CTNND2: variants seen among roughly 807,000 people sequenced by gnomAD.
CTNND2 encodes the protein catenin delta-2.
A neutral mutation model predicts 144.4 loss-of-function variants in CTNND2; 22 were observed. That is an observed-to-expected ratio of 0.15 (90% confidence interval 0.11 to 0.22). The LOEUF (loss-of-function observed/expected upper bound fraction) is 0.22, where lower values mean the gene tolerates loss of function less well. Among genes scored for constraint, CTNND2 ranks in the 10% least tolerant of loss-of-function variants. The probability of loss-of-function intolerance (pLI) is 1.00; values close to 1 mark genes in which losing one functional copy is unlikely to be tolerated. For missense variants in CTNND2, 1,353 were observed against 1,618.8 expected, an observed-to-expected ratio of 0.84 and a Z score of 2.82; for synonymous variants, 751 against 695.6, an observed-to-expected ratio of 1.08 and a Z score of -1.25.
intron 1 of CTNND2, among the ~76,000 whole-genome samples, chr5:11,860,607 C>T (rs1189541559): frequency 6.6e-6 from 1 of 152,156 alleles, no homozygotes; most frequent in Non-Finnish European, 1.5e-5. Context: ...AAATTACAAG[C>T]CAGCGGCTAT....
chr5:11,590,206 C>A (rs1045950941), intron 2 of CTNND2, among the ~76,000 whole-genome samples: 1 of 151,864 alleles, frequency 6.6e-6, no homozygotes, highest in Non-Finnish European at 1.5e-5. Context: ...TCACCAGGCC[C>A]GGGTAATTTT....
intron 16 of CTNND2, among the ~76,000 whole-genome samples, chr5:11,029,815 T>A (rs561321940): frequency 2.6e-5 from 4 of 152,356 alleles, no homozygotes; most frequent in Non-Finnish European, 4.4e-5. Context: ...TAAAACAATA[T>A]GAGCTTTATA....
intron 5 of CTNND2, among the ~76,000 whole-genome samples, chr5:11,400,426 G>C (rs1760540508): frequency 6.6e-6 from 1 of 152,110 alleles, no homozygotes; most frequent in Non-Finnish European, 1.5e-5. Context: ...GACCTGAGGG[G>C]TCACAGTGAC....
intron 1 of CTNND2, among the ~76,000 whole-genome samples, chr5:11,888,007 T>A (rs1012230549): frequency 6.6e-6 from 1 of 152,216 alleles, no homozygotes; most frequent in East Asian, 1.9e-4. Flanking sequence ...TATCCTTGGA[T>A]GCTAAATTAT....
chr5:11,750,268 C>G (rs761850607), intron 1 of CTNND2, among the ~76,000 whole-genome samples: 2 of 151,848 alleles, frequency 1.3e-5, no homozygotes, highest in Non-Finnish European at 2.9e-5. Flanking sequence ...CATTTAAGAT[C>G]CCCTGTATGA....
chr5:11,841,403 G>A (rs1490634599), intron 1 of CTNND2, among the ~76,000 whole-genome samples: 2 of 152,106 alleles, frequency 1.3e-5, no homozygotes, highest in African/African-American at 4.8e-5. Context: ...TCTAAACTTG[G>A]AATATGGATC....
At chr5:11,497,519 T>TGGGG (rs1234235644) in intron 3 of CTNND2, among the ~76,000 whole-genome samples, 1 of 13,740 alleles carries the variant, frequency 7.3e-5, no homozygotes, top group Non-Finnish European at 1.6e-4. Context: ...TGCGGGGGGG[T>TGGGG]GGGGGGGGGC....
At chr5:11,409,964 T>A (rs1370282154) in intron 5 of CTNND2, among the ~76,000 whole-genome samples, 1 of 152,108 alleles carries the variant, frequency 6.6e-6, no homozygotes, top group Non-Finnish European at 1.5e-5. Context: ...GTACTTTCCA[T>A]TTATTAAATG....
At chr5:11,890,186 C>G (rs1736850303) in intron 1 of CTNND2, among the ~76,000 whole-genome samples, 1 of 152,120 alleles carries the variant, frequency 6.6e-6, no homozygotes, top group South Asian at 2.1e-4. Flanking sequence ...GATTACTGGT[C>G]CCTGAAAACT....
At chr5:11,731,409 TA>T (rs1787379697) in intron 2 of CTNND2, among the ~76,000 whole-genome samples, 2 of 152,194 alleles carry the variant, frequency 1.3e-5, no homozygotes, top group South Asian at 2.1e-4. Flanking sequence ...CCAAATCACA[TA>T]ACCCAAACGC....
chr5:11,858,745 C>T (rs576050913), intron 1 of CTNND2, among the ~76,000 whole-genome samples: 244 of 152,170 alleles, frequency 1.6e-3, no homozygotes, highest in African/African-American at 5.5e-3. Flanking sequence ...CTGGCTAACA[C>T]GGTGAAACTC....
At chr5:11,017,597 TC>T in intron 18 of CTNND2, among the ~76,000 whole-genome samples, 1 of 39,964 alleles carries the variant, frequency 2.5e-5, no homozygotes. Flanking sequence ...TATATATATA[TC>T]TTTCCATATA....
chr5:11,688,942 A>C (rs762575858), intron 2 of CTNND2, among the ~76,000 whole-genome samples: 3 of 152,196 alleles, frequency 2.0e-5, no homozygotes, highest in Non-Finnish European at 4.4e-5. Context: ...CCTTTTGATG[A>C]ATGACACAGC....
chr5:11,459,052 G>A (rs1319782745), intron 3 of CTNND2, among the ~76,000 whole-genome samples: 8 of 151,860 alleles, frequency 5.3e-5, no homozygotes, highest in Admixed American at 2.6e-4. Context: ...TTATAGGCAC[G>A]AGCCACCATG....
At chr5:11,234,625 C>T (rs1248587835) in intron 10 of CTNND2, among the ~76,000 whole-genome samples, 1 of 152,216 alleles carries the variant, frequency 6.6e-6, no homozygotes, top group Non-Finnish European at 1.5e-5. Context: ...GCTGTCACTA[C>T]AGCTCTTATC....
chr5:11,805,733 C>G (rs978236510), intron 1 of CTNND2, among the ~76,000 whole-genome samples: 4 of 151,986 alleles, frequency 2.6e-5, no homozygotes. Context: ...AACAAATCTC[C>G]CATGCAGAAT....
chr5:11,058,707 C>T (rs969717326), intron 16 of CTNND2, among the ~76,000 whole-genome samples: 6 of 152,178 alleles, frequency 3.9e-5, no homozygotes, highest in Non-Finnish European at 7.4e-5. Context: ...CCTCTTGCAT[C>T]GTGAAGCTGG....
intron 10 of CTNND2, among the ~76,000 whole-genome samples, chr5:11,203,025 A>G (rs1017011258): frequency 5.3e-5 from 8 of 152,066 alleles, no homozygotes; most frequent in African/African-American, 1.9e-4. Context: ...GGCTGGTCTC[A>G]AACTCCTGAC....
intron 9 of CTNND2, among the ~76,000 whole-genome samples, chr5:11,327,764 C>T (rs1580917438): frequency 6.6e-6 from 1 of 152,068 alleles, no homozygotes; most frequent in Non-Finnish European, 1.5e-5. Context: ...GACATTAATG[C>T]GTGCAGAAAT....
Sources: gnomAD v4.1 joint callset for allele counts (sites outside exome capture counted in the v4.1 genomes callset) on GRCh38, gnomAD v4.1.1 for gene constraint, MANE v1.5 for transcripts, NCBI Gene and HGNC (gene_info 2026-07-23, HGNC 2026-07-21) for gene names.